Variants in XKR4 observed in about 807,000 individuals in gnomAD.
XKR4 encodes the protein XK-related protein 4.
In XKR4, 12 loss-of-function variants were observed where a neutral mutation model predicts 53.9. The observed-to-expected ratio is 0.22, with a 90% CI of 0.14 to 0.36. The LOEUF is 0.36. XKR4 is among the 10% of genes least tolerant of loss of function. XKR4 has a pLI of 1.00. For synonymous variants in XKR4, 354 were observed against 362.4 expected, an observed-to-expected ratio of 0.98 and a Z score of 0.26; for missense variants, 799 against 859.5, an observed-to-expected ratio of 0.93 and a Z score of 0.88.
At chr8:55,438,697 T>C (rs1020927906) in intron 2 of XKR4, among the ~76,000 whole-genome samples, 4 of 151,022 alleles carry the variant, frequency 2.6e-5, no homozygotes, top group African/African-American at 9.7e-5. Flanking sequence ...TGCCTGACAA[T>C]ATGGCTTATT....
chr8:55,503,321 G>C (rs1178742770), intron 2 of XKR4, among the ~76,000 whole-genome samples: 1 of 151,978 alleles, frequency 6.6e-6, no homozygotes, highest in Non-Finnish European at 1.5e-5. Context: ...CATGAAAACA[G>C]GATATCTTTC....
intron 2 of XKR4, among the ~76,000 whole-genome samples, chr8:55,370,772 CAA>C (rs934063470): frequency 6.6e-5 from 10 of 152,056 alleles, no homozygotes; most frequent in African/African-American, 2.4e-4. Context: ...CGTCGAGATG[CAA>C]AAACAAGCGT....
chr8:55,233,580 G>C (rs1818076310), intron 1 of XKR4, among the ~76,000 whole-genome samples: 2 of 152,228 alleles, frequency 1.3e-5, no homozygotes, highest in African/African-American at 4.8e-5. Flanking sequence ...ACATGGCCAG[G>C]GGCCATGAGG....
At chr8:55,347,407 ATGTG>A (rs947578657) in intron 1 of XKR4, among the ~76,000 whole-genome samples, 1 of 152,182 alleles carries the variant, frequency 6.6e-6, no homozygotes, top group African/African-American at 2.4e-5. Flanking sequence ...GGAGTTATGC[ATGTG>A]TGTTTTCATG....
At chr8:55,338,072 T>C (rs1347922866) in intron 1 of XKR4, among the ~76,000 whole-genome samples, 1 of 152,016 alleles carries the variant, frequency 6.6e-6, no homozygotes, top group Non-Finnish European at 1.5e-5. Context: ...AATTGAACAA[T>C]AAGAAAAAAA....
intron 1 of XKR4, among the ~76,000 whole-genome samples, chr8:55,345,707 C>T (rs971057104): frequency 2.0e-5 from 3 of 152,168 alleles, no homozygotes; most frequent in East Asian, 3.9e-4. Flanking sequence ...ATGAGCGGGA[C>T]ATTACATGCA....
At position 55,160,213 on chromosome 8, in the gene XKR4, T is replaced by C. The variant is rs115001279; in HGVS notation, c.806+56919T>C. 6.5e-3 allele frequency among the ~76,000 whole-genome samples: 996 copies of C among 152,310 alleles called. 15 individuals carry two copies. Among genetic ancestry groups the C allele is most frequent in the African/African-American group, 0.022 (899 of 41,570 alleles). On this transcript the variant is annotated intron_variant, in intron 1 of 2. Transcript: ENST00000327381. ...ACTCCAGCCATATTCAGCTCATGGG[T>C]GCAGCCCTGAACTAGGCAGAAAGTT...
At chr8:55,364,094 C>T (rs915483336) in intron 2 of XKR4, among the ~76,000 whole-genome samples, 1 of 152,186 alleles carries the variant, frequency 6.6e-6, no homozygotes, top group Non-Finnish European at 1.5e-5. Flanking sequence ...GGGGGGCTTA[C>T]AGCACTTCCA....
chr8:55,361,531 G>A (rs965854121), intron 2 of XKR4, among the ~76,000 whole-genome samples: 4 of 151,896 alleles, frequency 2.6e-5, no homozygotes, highest in South Asian at 2.1e-4. Context: ...TACCCTGGCC[G>A]GACCATGTGC....
At chr8:55,333,608 G>T (rs1342514644) in intron 1 of XKR4, among the ~76,000 whole-genome samples, 2 of 152,096 alleles carry the variant, frequency 1.3e-5, no homozygotes, top group African/African-American at 4.8e-5. Context: ...CTGTGGGTGT[G>T]TAGTCCCCTT....
intron 2 of XKR4, among the ~76,000 whole-genome samples, chr8:55,486,168 A>C (rs1458001374): frequency 6.6e-6 from 1 of 152,218 alleles, no homozygotes; most frequent in Admixed American, 6.5e-5. Flanking sequence ...GTGAGGTATA[A>C]GTGCGCATCA....
chr8:55,459,155 G>T (rs569347993), intron 2 of XKR4, among the ~76,000 whole-genome samples: 2 of 151,994 alleles, frequency 1.3e-5, no homozygotes, highest in African/African-American at 4.8e-5. Context: ...TTAACAAAGA[G>T]GCCAAGACAA....
At chr8:55,172,827 G>A (rs1486758278) in intron 1 of XKR4, among the ~76,000 whole-genome samples, 1 of 152,140 alleles carries the variant, frequency 6.6e-6, no homozygotes, top group African/African-American at 2.4e-5. Context: ...AGTGATTTAC[G>A]GGAAATGCTC....
Position 55,194,515 on chromosome 8 carries a change from G to A in XKR4, c.806+91221G>A, listed in dbSNP as rs993010689. 7.2e-5 allele frequency among the ~76,000 whole-genome samples: 11 copies of A among 152,316 alleles called. No individual in the cohort carries two copies. In the South Asian group the frequency reaches 1.2e-3, roughly 17 times the overall value. On this transcript the variant is annotated intron_variant, in intron 1 of 2. Transcript: ENST00000327381. ...CAATCAAAGTTACAGAAAGAGACTC[G>A]TAGCACACTTTAAGGCAGCGGTCTT...
chr8:55,445,946 C>T (rs1011271706), intron 2 of XKR4, among the ~76,000 whole-genome samples: 3 of 152,158 alleles, frequency 2.0e-5, no homozygotes, highest in South Asian at 2.1e-4. Context: ...AAAAGGCCTC[C>T]GACTGCATAC....
intron 1 of XKR4, among the ~76,000 whole-genome samples, chr8:55,261,223 TG>T (rs1818520154): frequency 6.6e-6 from 1 of 152,086 alleles, no homozygotes; most frequent in Non-Finnish European, 1.5e-5. Flanking sequence ...CACGTGACCT[TG>T]GGAAAGCATT....
At chr8:55,369,562 A>G (rs1396382244) in intron 2 of XKR4, among the ~76,000 whole-genome samples, 3 of 112,944 alleles carry the variant, frequency 2.7e-5, no homozygotes, top group African/African-American at 3.4e-5. Flanking sequence ...AAAGGGAAGG[A>G]AGGGAGGGAG....
intron 2 of XKR4, among the ~76,000 whole-genome samples, chr8:55,441,005 G>C (rs995563940): frequency 6.8e-5 from 10 of 146,374 alleles, no homozygotes; most frequent in African/African-American, 2.5e-4. Context: ...CTTGAGCCCA[G>C]AAGCTTGATC....
intron 1 of XKR4, among the ~76,000 whole-genome samples, chr8:55,304,477 A>T (rs1303233979): frequency 9.9e-5 from 15 of 152,138 alleles, no homozygotes; most frequent in Admixed American, 9.8e-4. Flanking sequence ...TATTCTGTTG[A>T]TTTGGGGTGG....
Sources: allele counts gnomAD v4.1 joint callset (sites outside exome capture counted in the v4.1 genomes callset), GRCh38; gene constraint gnomAD v4.1.1; transcripts MANE v1.5; gene names NCBI Gene and HGNC (gene_info 2026-07-23, HGNC 2026-07-21).